The following SYNPO2 variants were observed in gnomAD, a reference collection of about 807,000 sequenced individuals.
The protein encoded by SYNPO2 is synaptopodin-2.
In SYNPO2, 56 loss-of-function variants were observed where a neutral mutation model predicts 85.0. The observed-to-expected ratio is 0.66, with a 90% CI of 0.53 to 0.82. SYNPO2 has a LOEUF of 0.82. SYNPO2 is among the 40% of genes least tolerant of loss of function. The pLI is 0.00. For missense variants in SYNPO2, 1,575 were observed against 1,534.2 expected, an observed-to-expected ratio of 1.03 and a Z score of -0.44; for synonymous variants, 602 against 591.1, an observed-to-expected ratio of 1.02 and a Z score of -0.27.
At chr4:119,022,730 A>AT (rs1737782509) in intron 1 of SYNPO2, among the ~76,000 whole-genome samples, 1 of 144,096 alleles carries the variant, frequency 6.9e-6, no homozygotes, top group Non-Finnish European at 1.5e-5. Flanking sequence ...TTTTAATTTT[A>AT]TTTTATTTTA....
intron 1 of SYNPO2, among the ~76,000 whole-genome samples, chr4:119,011,617 A>G (rs1428619054): frequency 6.6e-6 from 1 of 152,236 alleles, no homozygotes; most frequent in Admixed American, 6.5e-5. Context: ...AAGAATAAAT[A>G]GAAAGTAAGA....
chr4:119,030,356 C>T lies in SYNPO2; in HGVS notation c.1581C>T (p.Thr527=), dbSNP rs1561002920. 1.2e-6 allele frequency: 2 copies of T among 1,614,038 alleles called. No individual in the cohort carries two copies. The highest frequency in any genetic ancestry group is 8.5e-7 in the Non-Finnish European group (1 of 1,180,020). ...GCAGAGAACAAGATGCTGCCCAGAC[C>T]GATGGCCTGAGAACCACGACTTCTT... ...TPSREQDAAQ[T]DGLRTTTSYQ... Residue 527 remains threonine, a synonymous_variant, in exon 4 of 5, where the codon ACC becomes ACT. Coordinates refer to ENST00000307142, the MANE Select transcript of SYNPO2 (RefSeq NM_133477.3).
intron 1 of SYNPO2, among the ~76,000 whole-genome samples, chr4:119,015,367 A>G (rs1201343581): frequency 6.6e-6 from 1 of 152,220 alleles, no homozygotes; most frequent in African/African-American, 2.4e-5. Flanking sequence ...CTTTATCTGT[A>G]GTTTTATTTA....
At chr4:118,874,556 A>G (rs1731866942) in intron 1 of SYNPO2, among the ~76,000 whole-genome samples, 1 of 152,160 alleles carries the variant, frequency 6.6e-6, no homozygotes, top group African/African-American at 2.4e-5. Context: ...CTGTGACTGA[A>G]CCATGGCTCT....
intron 1 of SYNPO2, among the ~76,000 whole-genome samples, chr4:119,004,566 T>G (rs1736951158): frequency 6.7e-6 from 1 of 149,542 alleles, no homozygotes; most frequent in Admixed American, 6.8e-5. Context: ...TCATCATTTT[T>G]TATGGCTGCA....
At chr4:118,980,627 A>G (rs889049637) in intron 1 of SYNPO2, among the ~76,000 whole-genome samples, 1 of 152,244 alleles carries the variant, frequency 6.6e-6, no homozygotes, top group South Asian at 2.1e-4. Context: ...TGAAAAAAAA[A>G]GAACTTGATT....
intron 1 of SYNPO2, among the ~76,000 whole-genome samples, chr4:119,022,329 A>G (rs1199084922): frequency 6.6e-6 from 1 of 152,016 alleles, no homozygotes; most frequent in Non-Finnish European, 1.5e-5. Context: ...TGGAATTATC[A>G]TCATCATAAT....
chr4:118,852,310 G>C (rs10014908), intron 1 of SYNPO2, among the ~76,000 whole-genome samples: 49,771 of 152,052 alleles, frequency 0.33, 9,372 homozygotes, highest in African/African-American at 0.51. Flanking sequence ...AGACAGTGTG[G>C]TGATTCCTCA....
intron 1 of SYNPO2, among the ~76,000 whole-genome samples, chr4:119,016,143 T>A (rs907914867): frequency 6.6e-6 from 1 of 152,322 alleles, no homozygotes; most frequent in Non-Finnish European, 1.5e-5. Context: ...TTGTAAGTTC[T>A]TTAGGTAACT....
At chr4:118,906,596 AG>A (rs1333042569) in intron 1 of SYNPO2, among the ~76,000 whole-genome samples, 1 of 152,186 alleles carries the variant, frequency 6.6e-6, no homozygotes, top group Non-Finnish European at 1.5e-5. Context: ...TTGAAAAATA[AG>A]GAAGTGTTTT....
chr4:118,926,724 G>T (rs1733724322), intron 1 of SYNPO2, among the ~76,000 whole-genome samples: 1 of 152,104 alleles, frequency 6.6e-6, no homozygotes, highest in Non-Finnish European at 1.5e-5. Context: ...ATGGTGTAAT[G>T]AAACAAAAAC....
chr4:119,009,169 A>G (rs1181443788), intron 1 of SYNPO2, among the ~76,000 whole-genome samples: 1 of 152,218 alleles, frequency 6.6e-6, no homozygotes, highest in Non-Finnish European at 1.5e-5. Flanking sequence ...TATGCTTGCA[A>G]TTGATACAAA....
intron 1 of SYNPO2, among the ~76,000 whole-genome samples, chr4:118,956,824 C>CACTT (rs542038383): frequency 2.0e-5 from 3 of 152,052 alleles, no homozygotes; most frequent in Admixed American, 6.6e-5. Flanking sequence ...GTGGGCAGAT[C>CACTT]ACTTGAGGTC....
intron 1 of SYNPO2, among the ~76,000 whole-genome samples, chr4:119,017,300 C>T (rs761160372): frequency 6.6e-6 from 1 of 152,152 alleles, no homozygotes; most frequent in Non-Finnish European, 1.5e-5. Context: ...GAATTATGAA[C>T]TTATTTCCAA....
intron 1 of SYNPO2, among the ~76,000 whole-genome samples, chr4:119,022,669 T>TTATTTTATTTTATTTTAATTGTATTTTA (rs1737773694): frequency 1.6e-5 from 2 of 126,630 alleles, no homozygotes; most frequent in African/African-American, 5.5e-5. Context: ...ATTATTTATT[T>TTATTTTATTTTATTTTAATTGTATTTTA]TATTTTATTT....
At chr4:119,012,996 T>C (rs1737386850) in intron 1 of SYNPO2, among the ~76,000 whole-genome samples, 1 of 152,180 alleles carries the variant, frequency 6.6e-6, no homozygotes, top group Non-Finnish European at 1.5e-5. Flanking sequence ...GGAATCCCTG[T>C]CCCTTTAGAT....
intron 4 of SYNPO2, among the ~76,000 whole-genome samples, chr4:119,048,440 C>T (rs1738937489): frequency 6.6e-6 from 1 of 152,146 alleles, no homozygotes; most frequent in Non-Finnish European, 1.5e-5. Context: ...AAACAAAAAC[C>T]TTTACCCTTA....
Position 118,857,796 on chromosome 4 carries a change from T to G in SYNPO2, c.12+6856T>G, listed in dbSNP as rs139697639. Reference sequence around the variant, plus strand: ...CATTTATTTGAATAGCTTTGACCATTTAGATACATTTAAAGTATTTTATTT... The same window carrying G: ...CATTTATTTGAATAGCTTTGACCATGTAGATACATTTAAAGTATTTTATTT... On this transcript the variant is annotated intron_variant, in intron 1 of 4. Coordinates refer to the SYNPO2 transcript ENST00000610556. Among the ~76,000 whole-genome samples, 17 of 152,318 alleles carry G rather than the reference T, an allele frequency of 1.1e-4. No homozygotes were observed. In the East Asian group the frequency reaches 3.3e-3, roughly 29 times the overall value.
intron 4 of SYNPO2, among the ~76,000 whole-genome samples, chr4:119,050,083 G>A (rs1738989216): frequency 6.6e-6 from 1 of 152,018 alleles, no homozygotes; most frequent in South Asian, 2.1e-4. Flanking sequence ...TGTAATCCCA[G>A]CACTTTAGGA....
Sources: gnomAD v4.1 joint callset for allele counts (sites outside exome capture counted in the v4.1 genomes callset) on GRCh38, gnomAD v4.1.1 for gene constraint, MANE v1.5 for transcripts, NCBI Gene and HGNC (gene_info 2026-07-23, HGNC 2026-07-21) for gene names.